The following DLG2 variants were observed in gnomAD, a reference collection of about 807,000 sequenced individuals.
DLG2 encodes discs large MAGUK scaffold protein 2, also known as disks large homolog 2.
Under a neutral mutation model 132.5 loss-of-function variants are expected in DLG2, and 45 were observed. The observed-to-expected ratio is 0.34, with a 90% CI of 0.27 to 0.44. The LOEUF (loss-of-function observed/expected upper bound fraction) is 0.44, where lower values mean the gene tolerates loss of function less well. DLG2 is among the 20% of genes least tolerant of loss of function. DLG2 has a pLI of 1.00. For missense variants in DLG2, 1,045 were observed against 1,196.9 expected (o/e 0.87, Z 1.87); for synonymous variants, 424 against 419.6 (o/e 1.01, Z -0.13).
chr11:84,545,177 G>A lies in DLG2; in HGVS notation c.358-10446C>T, dbSNP rs78472124. The A allele has an allele frequency of 2.6e-3, 1,180 of 454,356 alleles. 13 individuals carry two copies. Among genetic ancestry groups the A allele is most frequent in the African/African-American group, 0.021 (1,031 of 50,208 alleles). 28.1% of individuals were successfully genotyped at this position (454,356 alleles called of 1,614,324 possible). The stretch of plus-strand genomic sequence containing the variant: ...TGGCTAATGCTGCTACTGGAACCAC[G>A]AGAGCCTCCTTGGTTTCATGGTTTG... On this transcript the variant is annotated intron_variant, in intron 6 of 27. Transcript: ENST00000376104.
intron 7 of DLG2, among the ~76,000 whole-genome samples, chr11:84,445,943 G>A (rs1344188715): frequency 7.0e-6 from 1 of 142,718 alleles, no homozygotes; most frequent in Admixed American, 7.2e-5. Context: ...AAAAAAATAC[G>A]TCTCAGTCAT....
At chr11:84,554,592 C>A (rs1565285556) in intron 6 of DLG2, among the ~76,000 whole-genome samples, 1 of 151,898 alleles carries the variant, frequency 6.6e-6, no homozygotes, top group Admixed American at 6.6e-5. Context: ...TCTAAATATA[C>A]AAAATTAGCC....
At chr11:83,875,385 TGAA>T (rs1182222878) in intron 15 of DLG2, among the ~76,000 whole-genome samples, 1 of 152,170 alleles carries the variant, frequency 6.6e-6, no homozygotes. Flanking sequence ...ATTCAACAGA[TGAA>T]GAAATTGAGA....
chr11:85,569,725 C>T (rs1244031520), intron 3 of DLG2, among the ~76,000 whole-genome samples: 2 of 152,168 alleles, frequency 1.3e-5, no homozygotes, highest in African/African-American at 4.8e-5. Context: ...ACAACAGATG[C>T]TGGTGAACCT....
chr11:84,170,491 C>T (rs866513433), intron 8 of DLG2, among the ~76,000 whole-genome samples: 2 of 152,202 alleles, frequency 1.3e-5, no homozygotes, highest in African/African-American at 4.8e-5. Flanking sequence ...TGGTAGATGT[C>T]TATAGACTGC....
intron 6 of DLG2, among the ~76,000 whole-genome samples, chr11:84,844,296 T>A (rs1319090245): frequency 6.6e-6 from 1 of 151,206 alleles, no homozygotes; most frequent in African/African-American, 2.4e-5. Context: ...TTTGCAGGGA[T>A]CTTGATACAT....
Position 85,467,375 on chromosome 11 carries a change from C to A in DLG2, c.40+131282G>T, listed in dbSNP as rs2092827052. ...AATAGGAGTGGTGAGAGAGGGCATC[C>A]CTGTCTTGTGCCAGTTTTCAAAGGG... On this transcript the variant is annotated intron_variant, in intron 3 of 27. Transcript: ENST00000376104. Among the ~76,000 whole-genome samples the A allele has an allele frequency of 2.0e-5, 3 of 152,266 alleles. No individual in the cohort carries two copies. In the South Asian group the frequency reaches 6.2e-4, roughly 32 times the overall value.
At chr11:84,929,795 A>G (rs2047884211) in intron 6 of DLG2, among the ~76,000 whole-genome samples, 1 of 152,152 alleles carries the variant, frequency 6.6e-6, no homozygotes, top group African/African-American at 2.4e-5. Context: ...ATATAAATTA[A>G]TGTCCAGTAA....
At chr11:84,600,467 T>C (rs1451250454) in intron 6 of DLG2, among the ~76,000 whole-genome samples, 1 of 152,116 alleles carries the variant, frequency 6.6e-6, no homozygotes, top group Non-Finnish European at 1.5e-5. Context: ...CACAATACTG[T>C]GGGGACAGCA....
intron 3 of DLG2, among the ~76,000 whole-genome samples, chr11:85,474,674 C>A (rs578076801): frequency 3.2e-4 from 48 of 151,936 alleles, no homozygotes; most frequent in African/African-American, 1.1e-3. Context: ...TGTTCTCTAT[C>A]TATGCAGTCA....
At chr11:84,027,620 T>A (rs1017430478) in intron 11 of DLG2, among the ~76,000 whole-genome samples, 1 of 152,074 alleles carries the variant, frequency 6.6e-6, no homozygotes, top group Non-Finnish European at 1.5e-5. Flanking sequence ...AAGTAAGTAA[T>A]GAACATGCAT....
At chr11:85,168,716 T>G (rs1275710026) in intron 4 of DLG2, among the ~76,000 whole-genome samples, 3 of 152,128 alleles carry the variant, frequency 2.0e-5, no homozygotes, top group Non-Finnish European at 4.4e-5. Context: ...CTTATAAAAA[T>G]TTTGCAGAAA....
chr11:85,462,752 G>C (rs2092657932), intron 3 of DLG2, among the ~76,000 whole-genome samples: 1 of 151,716 alleles, frequency 6.6e-6, no homozygotes, highest in African/African-American at 2.4e-5. Flanking sequence ...GTATACATAT[G>C]TAACAAACGT....
intron 3 of DLG2, among the ~76,000 whole-genome samples, chr11:85,493,652 A>G (rs2093610679): frequency 6.7e-6 from 1 of 149,922 alleles, no homozygotes; most frequent in Non-Finnish European, 1.5e-5. Flanking sequence ...CCTGGGCAAC[A>G]GAGCAAGATC....
chr11:84,945,541 G>A (rs997410519), intron 6 of DLG2, among the ~76,000 whole-genome samples: 4 of 152,206 alleles, frequency 2.6e-5, no homozygotes, highest in Admixed American at 2.0e-4. Flanking sequence ...TCTCGCCCAA[G>A]ACCCATGTCA....
chr11:85,262,194 G>C (rs1159444550), intron 4 of DLG2, among the ~76,000 whole-genome samples: 1 of 152,178 alleles, frequency 6.6e-6, no homozygotes, highest in Non-Finnish European at 1.5e-5. Flanking sequence ...CAGGATTTCT[G>C]ATCCGGAAGT....
chr11:85,434,602 T>C (rs1034178817), intron 3 of DLG2, among the ~76,000 whole-genome samples: 1 of 151,950 alleles, frequency 6.6e-6, no homozygotes, highest in Non-Finnish European at 1.5e-5. Context: ...TGGACACATA[T>C]ACCCTCCCAA....
intron 7 of DLG2, among the ~76,000 whole-genome samples, chr11:84,482,810 G>C (rs977136891): frequency 2.6e-5 from 4 of 152,026 alleles, no homozygotes; most frequent in Non-Finnish European, 5.9e-5. Context: ...GAAAATAATA[G>C]GTGTTTTAAG....
intron 19 of DLG2, among the ~76,000 whole-genome samples, chr11:83,562,090 T>G (rs1176307650): frequency 6.6e-6 from 1 of 151,974 alleles, no homozygotes; most frequent in Non-Finnish European, 1.5e-5. Flanking sequence ...GGTTTCACCA[T>G]GTTGGCCAGG....
Sources: allele counts gnomAD v4.1 joint callset (sites outside exome capture counted in the v4.1 genomes callset), GRCh38; gene constraint gnomAD v4.1.1; transcripts MANE v1.5; gene names NCBI Gene and HGNC (gene_info 2026-07-23, HGNC 2026-07-21).